The following STK39 variants were observed in gnomAD, a reference collection of about 807,000 sequenced individuals.
The protein encoded by STK39 is STE20/SPS1-related proline-alanine-rich protein kinase.
STK39 carries 20 observed loss-of-function variants against 77.8 expected under a neutral mutation model. The ratio of observed to expected loss-of-function variants is 0.26; its 90% CI spans 0.18 to 0.37. The LOEUF is 0.37. Among genes scored for constraint, STK39 ranks in the 10% least tolerant of loss-of-function variants. The pLI is 1.00. For synonymous variants in STK39, 246 were observed against 234.1 expected, an observed-to-expected ratio of 1.05 and a Z score of -0.47; for missense variants, 479 against 656.5, an observed-to-expected ratio of 0.73 and a Z score of 2.95.
At chr2:168,223,505 C>T (rs1298933573) in intron 1 of STK39, among the ~76,000 whole-genome samples, 6 of 108,806 alleles carry the variant, frequency 5.5e-5, no homozygotes, top group Admixed American at 3.7e-4. Context: ...AGTGAGACTC[C>T]GTCTCAAAAA....
At chr2:167,984,839 A>G (rs971022338) in intron 16 of STK39, among the ~76,000 whole-genome samples, 1 of 152,222 alleles carries the variant, frequency 6.6e-6, no homozygotes, top group Non-Finnish European at 1.5e-5. Context: ...AAATAACATT[A>G]TAATAGGTCA....
chr2:167,955,640 T>C, intron 17 of STK39, 70 bp from the exon 18 acceptor site: 4 of 1,496,458 alleles, frequency 2.7e-6, no homozygotes, highest in Non-Finnish European at 3.7e-6. Flanking sequence ...CTTGTTCCTA[T>C]GATGGCAGAT....
intron 10 of STK39, among the ~76,000 whole-genome samples, chr2:168,093,455 T>C (rs1686579370): frequency 6.6e-6 from 1 of 152,150 alleles, no homozygotes; most frequent in Non-Finnish European, 1.5e-5. Flanking sequence ...TCAGATCTCA[T>C]GAGACTTATT....
At chr2:168,094,704 C>G (rs1253572003) in intron 10 of STK39, among the ~76,000 whole-genome samples, 1 of 152,062 alleles carries the variant, frequency 6.6e-6, no homozygotes, top group East Asian at 1.9e-4. Context: ...TGTGACTGTT[C>G]CCCCAGGACT....
chr2:168,012,296 T>C (rs540536365), intron 16 of STK39, among the ~76,000 whole-genome samples: 2 of 151,962 alleles, frequency 1.3e-5, no homozygotes, highest in Non-Finnish European at 2.9e-5. Context: ...CCTCAGCTTC[T>C]CGAGTAGTTG....
At position 168,166,434 on chromosome 2, in the gene STK39, G is replaced by A. The variant is rs552174870; in HGVS notation, c.430+865C>T. Among the ~76,000 whole-genome samples, 5 of 152,346 alleles carry A rather than the reference G, an allele frequency of 3.3e-5. No individual in the cohort carries two copies. In the East Asian group the frequency reaches 9.7e-4, roughly 29 times the overall value. On this transcript the variant is annotated intron_variant, in intron 3 of 17. Coordinates refer to ENST00000355999, the MANE Select transcript of STK39 (RefSeq NM_013233.3). ...ATCACTGCAGGGATCTGAAGCTAGA[G>A]AGAGGAAGTGACTTTCCCTTCCCAA...
chr2:168,132,509 C>T (rs542406119), intron 8 of STK39, among the ~76,000 whole-genome samples: 5 of 152,290 alleles, frequency 3.3e-5, no homozygotes, highest in African/African-American at 9.6e-5. Context: ...CCACACCCGC[C>T]GGAGATGCCA....
chr2:168,150,186 T>A (rs1031575275), intron 5 of STK39, among the ~76,000 whole-genome samples: 1 of 152,202 alleles, frequency 6.6e-6, no homozygotes, highest in Non-Finnish European at 1.5e-5. Context: ...AAGATCTCAA[T>A]GCACAGCCAA....
At chr2:168,118,112 G>T (rs1433532667) in intron 10 of STK39, among the ~76,000 whole-genome samples, 1 of 152,110 alleles carries the variant, frequency 6.6e-6, no homozygotes, top group Non-Finnish European at 1.5e-5. Flanking sequence ...CACCTAGTAG[G>T]TTACCAGGAT....
At chr2:168,203,104 C>T (rs1245493438) in intron 1 of STK39, among the ~76,000 whole-genome samples, 1 of 152,114 alleles carries the variant, frequency 6.6e-6, no homozygotes, top group African/African-American at 2.4e-5. Context: ...CATCCCCGGC[C>T]GTAGCATTTC....
chr2:168,229,131 A>T lies in STK39; in HGVS notation c.208+18097T>A, dbSNP rs150492410. 3.0e-3 allele frequency among the ~76,000 whole-genome samples: 450 copies of T among 152,242 alleles called. 2 individuals carry two copies. The highest frequency in any genetic ancestry group is 0.01 in the African/African-American group (431 of 41,542). ...ACACCTGTAATATCAACACTTTGGGAGGTCAAGGCGGGTGGATCACAAGGT... is the reference window on the plus strand; with the variant it reads ...ACACCTGTAATATCAACACTTTGGGTGGTCAAGGCGGGTGGATCACAAGGT... On this transcript the variant is annotated intron_variant, in intron 1 of 17. Coordinates refer to ENST00000355999, the MANE Select transcript of STK39 (RefSeq NM_013233.3).
rs148656974 is a variant in STK39, at chr2:168,183,057, C to A, written c.209-967G>T. Among the ~76,000 whole-genome samples the A allele has an allele frequency of 3.9e-5, 6 of 152,258 alleles. 1 individual carries two copies. In the East Asian group the frequency reaches 1.2e-3, roughly 29 times the overall value. ...GGGAAAGCAGGGGAGTATTTGGCAACAAGAGAGATCAGTATTAGCCTTCCT... is the reference window on the plus strand; with the variant it reads ...GGGAAAGCAGGGGAGTATTTGGCAAAAAGAGAGATCAGTATTAGCCTTCCT... On this transcript the variant is annotated intron_variant, in intron 1 of 17. Transcript: ENST00000355999.
At chr2:168,242,156 C>A (rs1303036156) in intron 1 of STK39, among the ~76,000 whole-genome samples, 1 of 152,116 alleles carries the variant, frequency 6.6e-6, no homozygotes, top group South Asian at 2.1e-4. Flanking sequence ...CCCATGACAG[C>A]ACATTTAAAA....
chr2:168,020,028 G>A (rs902813619), intron 14 of STK39, among the ~76,000 whole-genome samples: 5 of 152,068 alleles, frequency 3.3e-5, no homozygotes, highest in African/African-American at 4.8e-5. Flanking sequence ...AACTACCAAC[G>A]TCACCACTGC....
intron 5 of STK39, among the ~76,000 whole-genome samples, chr2:168,144,007 C>T (rs1340022528): frequency 6.6e-6 from 1 of 152,168 alleles, no homozygotes; most frequent in Non-Finnish European, 1.5e-5. Flanking sequence ...CACCCTGGCT[C>T]TTGGTGAGTA....
At chr2:168,074,084 G>T (rs1013179125) in intron 12 of STK39, among the ~76,000 whole-genome samples, 1 of 152,142 alleles carries the variant, frequency 6.6e-6, no homozygotes, top group African/African-American at 2.4e-5. Flanking sequence ...TGAGAGGAAA[G>T]AAGAGGAGAA....
At chr2:168,033,636 G>T (rs1324613874) in intron 14 of STK39, among the ~76,000 whole-genome samples, 1 of 152,192 alleles carries the variant, frequency 6.6e-6, no homozygotes, top group Non-Finnish European at 1.5e-5. Flanking sequence ...AGAGAAGGCA[G>T]GGGAGCATAA....
intron 1 of STK39, among the ~76,000 whole-genome samples, chr2:168,234,583 C>T (rs898728362): frequency 6.6e-6 from 1 of 152,146 alleles, no homozygotes; most frequent in African/African-American, 2.4e-5. Flanking sequence ...TGTTCCTCCA[C>T]CTTACTTTAC....
intron 16 of STK39, among the ~76,000 whole-genome samples, chr2:167,995,041 C>CT (rs1333832762): frequency 6.6e-6 from 1 of 151,370 alleles, no homozygotes; most frequent in Non-Finnish European, 1.5e-5. Context: ...GTATTTTACA[C>CT]TTTTCTATAT....
Sources: gnomAD v4.1 joint callset for allele counts (sites outside exome capture counted in the v4.1 genomes callset) on GRCh38, gnomAD v4.1.1 for gene constraint, MANE v1.5 for transcripts, NCBI Gene and HGNC (gene_info 2026-07-23, HGNC 2026-07-21) for gene names.